GALNTL6: variants seen among roughly 807,000 people sequenced by gnomAD.
GALNTL6 encodes the protein polypeptide N-acetylgalactosaminyltransferase-like 6.
Under a neutral mutation model 73.7 loss-of-function variants are expected in GALNTL6, and 46 were observed. That is an observed-to-expected ratio of 0.62 (90% CI 0.49 to 0.80). The LOEUF (loss-of-function observed/expected upper bound fraction) is 0.80, where lower values mean the gene tolerates loss of function less well. Among genes scored for constraint, GALNTL6 ranks in the 30% least tolerant of loss-of-function variants. The pLI, the probability that GALNTL6 is intolerant of heterozygous loss-of-function variation, is 0.00. For missense variants in GALNTL6, 604 were observed against 755.0 expected (o/e 0.80, Z 2.34); for synonymous variants, 259 against 263.7 (o/e 0.98, Z 0.17).
chr4:171,918,719 C>T (rs1737698929), intron 2 of GALNTL6, among the ~76,000 whole-genome samples: 1 of 151,994 alleles, frequency 6.6e-6, no homozygotes, highest in African/African-American at 2.4e-5. Flanking sequence ...GCAGTATTCG[C>T]AACAGCCGAG....
chr4:172,635,143 A>G (rs1161355882), intron 5 of GALNTL6, among the ~76,000 whole-genome samples: 2 of 152,214 alleles, frequency 1.3e-5, no homozygotes, highest in Non-Finnish European at 1.5e-5. Flanking sequence ...ACTTTAGAAT[A>G]TAACTAAACT....
In GALNTL6 at chr4:172,705,448, A is replaced by T. The variant is rs545987332; in HGVS notation, c.554-103913A>T. Among the ~76,000 whole-genome samples the T allele has an allele frequency of 2.8e-3, 146 of 51,478 alleles. 3 individuals are homozygous for T. The highest frequency in any genetic ancestry group is 0.024 in the East Asian group (104 of 4,302). The allele number at this position is 51,478 out of a possible 152,430, so 33.8% of individuals were successfully genotyped here. A position where few individuals can be genotyped will look rare whatever the true frequency, so the allele number is the denominator to read the frequency against. ...TGATCATAAAGAAAACAATAAATTT[A>T]AAAAAAAAAACTAAAAATCTCTACA... On this transcript the variant is annotated intron_variant, in intron 5 of 12. Transcript: ENST00000506823.
intron 5 of GALNTL6, among the ~76,000 whole-genome samples, chr4:172,558,237 G>A (rs1184131324): frequency 6.6e-6 from 1 of 152,112 alleles, no homozygotes; most frequent in Non-Finnish European, 1.5e-5. Flanking sequence ...CAAGAGAACA[G>A]CATGAACAAA....
At chr4:172,380,070 T>C (rs1475127700) in intron 5 of GALNTL6, 3 of 965,368 alleles carry the variant, frequency 3.1e-6, no homozygotes, top group Non-Finnish European at 5.1e-6. Flanking sequence ...CTGCTCTAGC[T>C]GTTTATATGG....
chr4:171,867,242 A>G (rs1735994549), intron 2 of GALNTL6, among the ~76,000 whole-genome samples: 1 of 152,178 alleles, frequency 6.6e-6, no homozygotes, highest in African/African-American at 2.4e-5. Context: ...TGGTTCTCCA[A>G]CAATCTAAAA....
intron 2 of GALNTL6, among the ~76,000 whole-genome samples, chr4:172,157,216 C>G (rs922441515): frequency 1.3e-5 from 2 of 152,118 alleles, no homozygotes; most frequent in East Asian, 3.9e-4. Flanking sequence ...ACCCTCACTG[C>G]TTATCTGTAG....
intron 2 of GALNTL6, among the ~76,000 whole-genome samples, chr4:172,089,923 C>T (rs1012993616): frequency 2.1e-4 from 32 of 152,114 alleles, no homozygotes; most frequent in African/African-American, 7.5e-4. Context: ...CATTGTTCAG[C>T]TCTCACTTAT....
intron 3 of GALNTL6, among the ~76,000 whole-genome samples, chr4:172,301,267 T>C (rs1287495293): frequency 1.4e-5 from 2 of 146,646 alleles, no homozygotes; most frequent in East Asian, 3.9e-4. Context: ...TAGCTATTTG[T>C]CTAATCTTTT....
intron 5 of GALNTL6, among the ~76,000 whole-genome samples, chr4:172,434,074 C>A (rs1731553196): frequency 6.6e-6 from 1 of 152,050 alleles, no homozygotes; most frequent in Non-Finnish European, 1.5e-5. Flanking sequence ...ACTATTAATA[C>A]ATTATCGTTT....
At chr4:172,048,619 A>G (rs1488398711) in intron 2 of GALNTL6, among the ~76,000 whole-genome samples, 1 of 152,188 alleles carries the variant, frequency 6.6e-6, no homozygotes, top group African/African-American at 2.4e-5. Flanking sequence ...TGTGATGTTA[A>G]AATATTATTT....
intron 5 of GALNTL6, among the ~76,000 whole-genome samples, chr4:172,399,923 G>C (rs1743980301): frequency 6.6e-6 from 1 of 151,824 alleles, no homozygotes; most frequent in Admixed American, 6.6e-5. Context: ...CTTCATATAG[G>C]TACTTAAAAA....
intron 2 of GALNTL6, among the ~76,000 whole-genome samples, chr4:171,944,594 A>G (rs1294201441): frequency 2.0e-5 from 3 of 152,168 alleles, no homozygotes; most frequent in South Asian, 4.1e-4. Flanking sequence ...ATGCTTTTAA[A>G]TATATTTATT....
intron 2 of GALNTL6, among the ~76,000 whole-genome samples, chr4:172,155,155 G>A (rs1734216966): frequency 6.6e-6 from 1 of 152,168 alleles, no homozygotes; most frequent in East Asian, 1.9e-4. Flanking sequence ...CTGCCACCAC[G>A]CCCAGCTAAG....
At chr4:172,539,151 A>T (rs1246975328) in intron 5 of GALNTL6, among the ~76,000 whole-genome samples, 20 of 151,924 alleles carry the variant, frequency 1.3e-4, no homozygotes. Flanking sequence ...ATGTACATGA[A>T]TTTTTTTTGT....
At chr4:172,055,588 A>G (rs1262342213) in intron 2 of GALNTL6, among the ~76,000 whole-genome samples, 5 of 152,126 alleles carry the variant, frequency 3.3e-5, no homozygotes, top group African/African-American at 1.2e-4. Context: ...CAAGGTGGGT[A>G]GAAGTCCAGA....
At chr4:172,844,574 C>G (rs921906365) in intron 7 of GALNTL6, among the ~76,000 whole-genome samples, 2 of 152,198 alleles carry the variant, frequency 1.3e-5, no homozygotes, top group Admixed American at 1.3e-4. Flanking sequence ...TATGTTAAAT[C>G]TGCTTCCTTA....
At chr4:172,851,933 G>A (rs1362766839) in intron 7 of GALNTL6, among the ~76,000 whole-genome samples, 1 of 152,148 alleles carries the variant, frequency 6.6e-6, no homozygotes, top group African/African-American at 2.4e-5. Context: ...CAGCCAGCTG[G>A]TGGTAGAGAG....
At chr4:171,835,983 T>C (rs748246559) in intron 2 of GALNTL6, among the ~76,000 whole-genome samples, 3 of 152,094 alleles carry the variant, frequency 2.0e-5, no homozygotes, top group East Asian at 3.8e-4. Context: ...GTCTGTAACA[T>C]CTATACAATC....
At chr4:172,060,442 C>T (rs139595233) in intron 2 of GALNTL6, among the ~76,000 whole-genome samples, 101 of 152,190 alleles carry the variant, frequency 6.6e-4, no homozygotes, top group African/African-American at 2.2e-3. Flanking sequence ...GCTCTACTCT[C>T]CTGTTTCTCT....
Sources: gnomAD v4.1 joint callset for allele counts (sites outside exome capture counted in the v4.1 genomes callset) on GRCh38, gnomAD v4.1.1 for gene constraint, MANE v1.5 for transcripts, NCBI Gene and HGNC (gene_info 2026-07-23, HGNC 2026-07-21) for gene names.